MYH9: variants seen among roughly 807,000 people sequenced by gnomAD.
The protein encoded by MYH9 is myosin-9.
A neutral mutation model predicts 241.9 loss-of-function variants in MYH9; 29 were observed. The observed-to-expected ratio is 0.12, with a 90% CI of 0.09 to 0.16. The LOEUF (loss-of-function observed/expected upper bound fraction) is 0.16, where lower values mean the gene tolerates loss of function less well. MYH9 is among the 10% of genes least tolerant of loss of function. The pLI, the probability that MYH9 is intolerant of heterozygous loss-of-function variation, is 1.00. For missense variants in MYH9, 1,803 were observed against 2,595.5 expected, an observed-to-expected ratio of 0.69 and a Z score of 6.63; for synonymous variants, 1,047 against 1,062.6, an observed-to-expected ratio of 0.99 and a Z score of 0.29.
At chr22:36,355,291 A>T (rs2017837947) in intron 1 of MYH9, among the ~76,000 whole-genome samples, 1 of 152,154 alleles carries the variant, frequency 6.6e-6, no homozygotes, top group Non-Finnish European at 1.5e-5. Flanking sequence ...GACCAAAAAC[A>T]TCTTCTTTCA....
chr22:36,319,573 T>C lies in MYH9; in HGVS notation c.1075A>G (p.Asn359Asp). 6.2e-7 allele frequency: 1 copy of C among 1,614,158 alleles called. No homozygotes were observed. The highest frequency in any genetic ancestry group is 8.5e-7 in the Non-Finnish European group (1 of 1,180,034). The part of the protein sequence containing the change: ...LGNIVFKKER[N>D]TDQASMPDNT... ...TCGGGCATGGACGCCTGGTCAGTGTTCCGCTCCTTCTTGAAGACGATGTTG... is the reference window on the plus strand; with the variant it reads ...TCGGGCATGGACGCCTGGTCAGTGTCCCGCTCCTTCTTGAAGACGATGTTG... Residue 359 changes from asparagine to aspartate, a missense_variant, in exon 10 of 41, where the codon AAC (asparagine) becomes GAC (aspartate). This residue lies in a region of MYH9 where 222 missense variants were observed against 359.9 expected (regional missense o/e 0.62). Transcript: ENST00000216181.
At chr22:36,340,715 G>C (rs554942823) in intron 3 of MYH9, among the ~76,000 whole-genome samples, 98 of 152,142 alleles carry the variant, frequency 6.4e-4, no homozygotes, top group African/African-American at 2.3e-3. Flanking sequence ...CGATGCTGGG[G>C]AGAGGTGAGG....
Position 36,285,003 on chromosome 22 carries a change from A to C in MYH9, c.5483+118T>G, listed in dbSNP as rs373582284. 4 of 977,286 alleles carry C rather than the reference A, an allele frequency of 4.1e-6. No homozygotes were observed. In the African/African-American group the frequency reaches 6.4e-5, roughly 16 times the overall value. The allele number at this position is 977,286 out of a possible 1,614,324, so 60.5% of individuals were successfully genotyped here. On this transcript the variant is annotated intron_variant, in intron 38 of 40. Transcript: ENST00000216181. This position sits in a 1 kb window ranked among gnomAD's most constrained non-coding sequence, Gnocchi z 7.0. ...ATGAGGGCCCCATCAGGAGGGAGGG[A>C]AACAGCCCCAGGCTCAGGAGACAGA...
At position 36,305,273 on chromosome 22, in the gene MYH9, C is replaced by A. The variant is rs912366386; in HGVS notation, c.2160-171G>T. Among the ~76,000 whole-genome samples, 1 of 152,210 alleles carries A rather than the reference C, an allele frequency of 6.6e-6. No individual in the cohort carries two copies. Among genetic ancestry groups the A allele is most frequent in the Admixed American group, 6.5e-5 (1 of 15,274 alleles). Reference sequence around the variant, plus strand: ...GCAAATCCCACCCCACTCTTTTCTTCGGCTGAATGAGACAAGGAAGCCTTG... The same window carrying A: ...GCAAATCCCACCCCACTCTTTTCTTAGGCTGAATGAGACAAGGAAGCCTTG... On this transcript the variant is annotated intron_variant, in intron 17 of 40. Transcript: ENST00000216181. This position sits in a 1 kb window ranked among gnomAD's most constrained non-coding sequence, Gnocchi z 4.7.
chr22:36,295,812 G>A lies in MYH9; in HGVS notation c.3273-95C>T. The A allele has an allele frequency of 8.6e-7, 1 of 1,156,810 alleles. No homozygotes were observed. The highest frequency in any genetic ancestry group is 1.3e-6 in the Non-Finnish European group (1 of 797,646). The allele number at this position is 1,156,810 out of a possible 1,614,324, so 71.7% of individuals were successfully genotyped here. A position where few individuals can be genotyped will look rare whatever the true frequency, so the allele number is the denominator to read the frequency against. On this transcript the variant is annotated intron_variant, in intron 25 of 40. Coordinates refer to ENST00000216181, the MANE Select transcript of MYH9 (RefSeq NM_002473.6). This position sits in a 1 kb window ranked among gnomAD's most constrained non-coding sequence, Gnocchi z 4.1. ...GCCTGAGAGAGCTGCAGCAGCCAAA[G>A]CTGCCTCCTGTGGTCACAATCATGG...
At chr22:36,377,202 C>G (rs1051397248) in intron 1 of MYH9, among the ~76,000 whole-genome samples, 2 of 152,184 alleles carry the variant, frequency 1.3e-5, no homozygotes. Flanking sequence ...CCTCCTCACC[C>G]GCAGAGGACA....
chr22:36,348,329 T>C (rs2017711026), intron 2 of MYH9, among the ~76,000 whole-genome samples: 1 of 150,802 alleles, frequency 6.6e-6, no homozygotes, highest in Non-Finnish European at 1.5e-5. Context: ...GCCAACATGG[T>C]GAAACCCCGT....
At chr22:36,356,435 G>A (rs1024669911) in intron 1 of MYH9, among the ~76,000 whole-genome samples, 73 of 152,010 alleles carry the variant, frequency 4.8e-4, no homozygotes, top group African/African-American at 1.7e-3. Flanking sequence ...ACAAAACTTA[G>A]CCAGGCGTGG....
rs778229923 is a variant in MYH9 at position 36,300,228 on chromosome 22, G to A, written c.2875C>T (p.Arg959Trp). 8 of 1,613,368 alleles carry A rather than the reference G, an allele frequency of 5.0e-6. No homozygotes were observed. Among genetic ancestry groups the A allele is most frequent in the Admixed American group, 3.3e-5 (2 of 60,010 alleles). Reference protein sequence around the residue: ...EEQLEEEESARQKLQLEKVTT... With the variant: ...EEQLEEEESAWQKLQLEKVTT... ...ACCTTCTCCAGCTGCAGCTTCTGCC[G>A]GGCGCTCTCCTCCTCCTCCAGCTGC... Residue 959 changes from arginine to tryptophan, a missense_variant, in exon 23 of 41, where the codon CGG (arginine) becomes TGG (tryptophan). Coordinates refer to ENST00000216181, the MANE Select transcript of MYH9 (RefSeq NM_002473.6). The surrounding 1 kb of genome is among the most constrained non-coding windows in gnomAD (Gnocchi z 5.0).
intron 1 of MYH9, among the ~76,000 whole-genome samples, chr22:36,354,902 C>G (rs1015988811): frequency 1.3e-5 from 2 of 150,048 alleles, no homozygotes; most frequent in African/African-American, 4.9e-5. Flanking sequence ...CATGTGAAAG[C>G]AACCAACCAG....
intron 13 of MYH9, among the ~76,000 whole-genome samples, chr22:36,313,822 G>A (rs3752460): frequency 0.027 from 4,142 of 152,174 alleles, 87 homozygotes; most frequent in South Asian, 0.073. Context: ...AATGCTTATC[G>A]AGCCCAGCCT....
chr22:36,286,042 C>G (rs2016575006), intron 35 of MYH9, 89 bp from the exon 36 acceptor site: 1 of 1,428,250 alleles, frequency 7.0e-7, no homozygotes, highest in Non-Finnish European at 9.7e-7. Flanking sequence ...CCCTCAAGCC[C>G]TTCCCCAGGC....
intron 1 of MYH9, among the ~76,000 whole-genome samples, chr22:36,350,688 A>G (rs940781982): frequency 2.6e-5 from 4 of 152,274 alleles, no homozygotes; most frequent in Non-Finnish European, 5.9e-5. Flanking sequence ...ACCAATTTAC[A>G]GATGAGGAAA....
Position 36,318,228 on chromosome 22 carries a change from C to T in MYH9, c.1206G>A (p.Gln402=). 6.2e-7 allele frequency: 1 copy of T among 1,613,768 alleles called. No homozygotes were observed. Among genetic ancestry groups the T allele is most frequent in the South Asian group, 1.1e-5 (1 of 91,084 alleles). The change falls in exon 11 of 41, where the codon CAG becomes CAA. Residue 402 remains glutamine, a synonymous_variant. Transcript: ENST00000216181. ...PRIKVGRDYV[Q]KAQTKEQADF... Reference sequence around the variant, plus strand: ...ATACCTGCTCTTTAGTCTGCGCCTTCTGGACGTAATCCCGTCCCACCTTGA... The same window carrying T: ...ATACCTGCTCTTTAGTCTGCGCCTTTTGGACGTAATCCCGTCCCACCTTGA...
intron 14 of MYH9, among the ~76,000 whole-genome samples, chr22:36,311,094 A>T: frequency 6.6e-6 from 1 of 152,198 alleles, no homozygotes; most frequent in East Asian, 1.9e-4. Flanking sequence ...GTCATCACCA[A>T]CTAGTCACCA....
chr22:36,298,139 G>C (rs2016817185), intron 24 of MYH9, among the ~76,000 whole-genome samples: 1 of 152,116 alleles, frequency 6.6e-6, no homozygotes, highest in Non-Finnish European at 1.5e-5. Flanking sequence ...GAGGGGGCCG[G>C]ACAAGACTGT....
At chr22:36,335,836 C>T (rs996336100) in intron 3 of MYH9, among the ~76,000 whole-genome samples, 1 of 152,210 alleles carries the variant, frequency 6.6e-6, no homozygotes, top group Non-Finnish European at 1.5e-5. Context: ...GCGGGCTTTT[C>T]GACAAGCCAG....
chr22:36,322,226 C>T (rs1286286045), intron 6 of MYH9, among the ~76,000 whole-genome samples: 1 of 152,252 alleles, frequency 6.6e-6, no homozygotes, highest in Non-Finnish European at 1.5e-5. Context: ...AGAAGCTACT[C>T]GTGGCCTTCG....
At chr22:36,318,384 A>G in intron 10 of MYH9, 59 bp from the exon 11 acceptor site, 3 of 1,342,352 alleles carry the variant, frequency 2.2e-6, no homozygotes, top group Non-Finnish European at 3.2e-6. Flanking sequence ...CCAAGAGAGA[A>G]AGTTCTAATT....
Sources: gnomAD v4.1 joint callset for allele counts (sites outside exome capture counted in the v4.1 genomes callset) on GRCh38, gnomAD v4.1.1 for gene constraint, gnomAD v4.1.1 regional missense constraint, Gnocchi (gnomAD v3.1) non-coding constraint, MANE v1.5 for transcripts, NCBI Gene and HGNC (gene_info 2026-07-23, HGNC 2026-07-21) for gene names.